The following ADAMTS20 variants were observed in gnomAD, a reference collection of about 807,000 sequenced individuals.
The protein encoded by ADAMTS20 is ADAM metallopeptidase with thrombospondin type 1 motif 20.
A neutral mutation model predicts 260.1 loss-of-function variants in ADAMTS20; 225 were observed. The observed-to-expected ratio is 0.87, with a 90% CI of 0.78 to 0.97. The LOEUF is 0.97. Among genes scored for constraint, ADAMTS20 ranks in the 50% least tolerant of loss-of-function variants. The probability of loss-of-function intolerance (pLI) is 0.00; values close to 1 mark genes in which losing one functional copy is unlikely to be tolerated. For missense variants in ADAMTS20, 2,400 were observed against 2,337.7 expected, an observed-to-expected ratio of 1.03 and a Z score of -0.55; for synonymous variants, 802 against 769.5, an observed-to-expected ratio of 1.04 and a Z score of -0.70.
intron 3 of ADAMTS20, among the ~76,000 whole-genome samples, chr12:43,528,046 A>G (rs1268362868): frequency 6.6e-6 from 1 of 152,076 alleles, no homozygotes; most frequent in Non-Finnish European, 1.5e-5. Flanking sequence ...CACCAAAAAC[A>G]ATCAAGCTGA....
intron 4 of ADAMTS20, among the ~76,000 whole-genome samples, chr12:43,497,504 A>G (rs1352063196): frequency 6.6e-6 from 1 of 152,126 alleles, no homozygotes; most frequent in Non-Finnish European, 1.5e-5. Context: ...AGATCTTTTC[A>G]TTTTTAAATT....
At chr12:43,502,051 T>C in intron 4 of ADAMTS20, 101 bp downstream of exon 4, 1 of 1,135,326 alleles carries the variant, frequency 8.8e-7, no homozygotes, top group Non-Finnish European at 1.2e-6. Flanking sequence ...AGATACAAAA[T>C]TACATCTAAA....
chr12:43,550,968 G>A lies in ADAMTS20; in HGVS notation c.394C>T (p.Arg132Cys), dbSNP rs746861170. ...GPSDLRHCFY[R>C]GQVNSQEDYK... is the part of the protein sequence containing the mutation. ...TCCTCCTGTGAGTTGACCTGGCCGC[G>A]GTAGAAGCAGTGGCGCAGGTCCGAG... The change falls in exon 2 of 39, where the codon CGC becomes TGC. Residue 132 changes from arginine (R) to cysteine (C), a missense_variant. By Grantham distance (180) the Arg-to-Cys change is radical. Transcript: ENST00000389420. 1.2e-6 allele frequency: 2 copies of A among 1,604,152 alleles called. No homozygotes were observed. The highest frequency in any genetic ancestry group is 1.3e-5 in the African/African-American group (1 of 74,652).
intron 20 of ADAMTS20, 34 bp downstream of exon 20, chr12:43,432,567 G>A: frequency 6.2e-7 from 1 of 1,606,326 alleles, no homozygotes; most frequent in Non-Finnish European, 8.5e-7. Flanking sequence ...GAAAGAAAGG[G>A]GCAACTTTTT....
At chr12:43,530,962 G>A (rs1019350352) in intron 3 of ADAMTS20, among the ~76,000 whole-genome samples, 1 of 151,630 alleles carries the variant, frequency 6.6e-6, no homozygotes, top group Admixed American at 6.6e-5. Context: ...AAAACAATGT[G>A]GAATTATCTA....
chr12:43,433,336 T>C (rs1941485997), intron 19 of ADAMTS20, among the ~76,000 whole-genome samples: 1 of 151,986 alleles, frequency 6.6e-6, no homozygotes, highest in South Asian at 2.1e-4. Context: ...ATGTTAGTTA[T>C]AGCCAAATTA....
At chr12:43,527,224 G>T (rs1943155163) in intron 3 of ADAMTS20, among the ~76,000 whole-genome samples, 1 of 152,106 alleles carries the variant, frequency 6.6e-6, no homozygotes, top group Non-Finnish European at 1.5e-5. Context: ...GACAAGCCCA[G>T]GGCCAGATAG....
At chr12:43,429,057 G>A (rs1444343104) in intron 24 of ADAMTS20, among the ~76,000 whole-genome samples, 3 of 151,866 alleles carry the variant, frequency 2.0e-5, no homozygotes, top group African/African-American at 7.3e-5. Flanking sequence ...TTAAAATAAT[G>A]CTTAGTTATT....
At chr12:43,541,689 G>A (rs1021884403) in intron 2 of ADAMTS20, among the ~76,000 whole-genome samples, 1 of 152,138 alleles carries the variant, frequency 6.6e-6, no homozygotes, top group Non-Finnish European at 1.5e-5. Context: ...TTGAATAAAT[G>A]AATGAATCAA....
chr12:43,434,641 G>A (rs997851551), intron 18 of ADAMTS20, among the ~76,000 whole-genome samples: 1 of 152,154 alleles, frequency 6.6e-6, no homozygotes, highest in Non-Finnish European at 1.5e-5. Context: ...CACTATAGTG[G>A]GATAGAGTGG....
At position 43,443,882 on chromosome 12, in the gene ADAMTS20, AC is replaced by A; in HGVS notation, c.2198del (p.Gly733ValfsTer6). On this transcript the variant is annotated frameshift_variant and splice_region_variant, in exon 16 of 39. Coordinates refer to ENST00000389420, the MANE Select transcript of ADAMTS20 (RefSeq NM_025003.5). LOFTEE classifies it high-confidence loss of function. ...CGGGAATCTTTACAACAACATTATA[AC>A]CTGCAATATAATTTTACATATGTTA... Reference protein sequence around the residue: ...ITGVFNSSHYGYNVVVKIPAG... With the variant: ...ITGVFNSSHYXYNVVVKIPAG... The A allele has an allele frequency of 6.2e-7, 1 of 1,611,852 alleles. No individual in the cohort carries two copies. The highest frequency in any genetic ancestry group is 8.5e-7 in the Non-Finnish European group (1 of 1,178,230).
intron 35 of ADAMTS20, 83 bp downstream of exon 35, chr12:43,375,974 C>A: frequency 2.0e-6 from 2 of 1,010,464 alleles, no homozygotes; most frequent in Non-Finnish European, 1.5e-6. Context: ...GTAAGCTATT[C>A]AAGTATCACT....
At chr12:43,513,502 T>C (rs1592104948) in intron 3 of ADAMTS20, among the ~76,000 whole-genome samples, 1 of 152,110 alleles carries the variant, frequency 6.6e-6, no homozygotes, top group Non-Finnish European at 1.5e-5. Flanking sequence ...TTGAAGAGCA[T>C]TAAAACAAAG....
At chr12:43,488,819 T>C (rs941140296) in intron 7 of ADAMTS20, among the ~76,000 whole-genome samples, 4 of 152,126 alleles carry the variant, frequency 2.6e-5, no homozygotes, top group Non-Finnish European at 5.9e-5. Context: ...CAGACATTTA[T>C]AGCAATACTA....
At chr12:43,453,092 G>A (rs1941899763) in intron 12 of ADAMTS20, among the ~76,000 whole-genome samples, 2 of 152,088 alleles carry the variant, frequency 1.3e-5, no homozygotes. Context: ...CATCTGTCAT[G>A]TATATCTTAT....
In ADAMTS20 at chr12:43,551,317, T is replaced by G. The variant is rs764815540; in HGVS notation, c.92-47A>C. On this transcript the variant is annotated intron_variant, in intron 1 of 38. Transcript: ENST00000389420. The surrounding 1 kb of genome is among the most constrained non-coding windows in gnomAD (Gnocchi z 4.6). ...CAGTGAGCTCCCACGCGTTCCTCAT[T>G]GTCCAACTCTAAACTTCTTCCACCA... 1.3e-6 allele frequency: 2 copies of G among 1,574,074 alleles called. No individual in the cohort carries two copies. The highest frequency in any genetic ancestry group is 2.4e-5 in the South Asian group (2 of 84,468).
intron 37 of ADAMTS20, among the ~76,000 whole-genome samples, chr12:43,368,155 G>A (rs932669135): frequency 1.3e-5 from 2 of 152,006 alleles, no homozygotes; most frequent in Non-Finnish European, 2.9e-5. Context: ...TGAAAATGAT[G>A]TTTTACAGAC....
intron 28 of ADAMTS20, among the ~76,000 whole-genome samples, chr12:43,425,185 C>T (rs1941307865): frequency 6.6e-6 from 1 of 152,020 alleles, no homozygotes; most frequent in Admixed American, 6.6e-5. Flanking sequence ...CATGTTCTCA[C>T]TTATAAGTGG....
intron 11 of ADAMTS20, among the ~76,000 whole-genome samples, chr12:43,457,525 A>G (rs1407483736): frequency 1.3e-5 from 2 of 152,196 alleles, no homozygotes; most frequent in African/African-American, 4.8e-5. Flanking sequence ...TGTCTAATAA[A>G]CATTTCAAGC....
Sources: allele counts gnomAD v4.1 joint callset (sites outside exome capture counted in the v4.1 genomes callset), GRCh38; gene constraint gnomAD v4.1.1; non-coding constraint Gnocchi (gnomAD v3.1); transcripts MANE v1.5; gene names NCBI Gene and HGNC (gene_info 2026-07-23, HGNC 2026-07-21).